Variants in ADAMTSL1 observed in about 807,000 individuals in gnomAD.
ADAMTSL1 encodes ADAMTS-like protein 1.
ADAMTSL1 carries 126 observed loss-of-function variants against 201.8 expected under a neutral mutation model. That is an observed-to-expected ratio of 0.62 (90% confidence interval 0.54 to 0.72). ADAMTSL1 has a LOEUF of 0.72. ADAMTSL1 is among the 30% of genes least tolerant of loss of function. ADAMTSL1 has a pLI of 0.00. For missense variants in ADAMTSL1, 2,679 were observed against 2,277.8 expected (o/e 1.18, Z -3.59); for synonymous variants, 1,121 against 903.4 (o/e 1.24, Z -4.32).
chr9:18,863,487 A>G (rs1827331522), intron 23 of ADAMTSL1, among the ~76,000 whole-genome samples: 1 of 152,196 alleles, frequency 6.6e-6, no homozygotes, highest in Non-Finnish European at 1.5e-5. Context: ...GAAAATGTAC[A>G]TGGGAATCAT....
At chr9:18,886,162 A>ATGTGTATG (rs1405638762) in intron 23 of ADAMTSL1, among the ~76,000 whole-genome samples, 11 of 58,750 alleles carry the variant, frequency 1.9e-4, no homozygotes, top group Non-Finnish European at 3.2e-4. Context: ...GTGAGTGTGT[A>ATGTGTATG]TGTGTATATA....
chr9:17,918,881 G>T (rs1369992106), intron 1 of ADAMTSL1, among the ~76,000 whole-genome samples: 2 of 151,826 alleles, frequency 1.3e-5, no homozygotes, highest in Non-Finnish European at 3.0e-5. Flanking sequence ...GTTTAGGATT[G>T]TTATGTTACC....
Position 18,777,696 on chromosome 9 carries a change from G to A in ADAMTSL1, c.3467G>A (p.Gly1156Asp), listed in dbSNP as rs372091305. ...TCCTCCACCGGGGACGCCGGGGGAGGCTCTCGAAGGCCACACCGCAAGCCC... is the reference window on the plus strand; with the variant it reads ...TCCTCCACCGGGGACGCCGGGGGAGACTCTCGAAGGCCACACCGCAAGCCC... ...RTSSTGDAGG[G>D]SRRPHRKPTI... The change falls in exon 19 of 29, where the codon GGC becomes GAC. Residue 1156 changes from glycine (G) to aspartate (D), a missense_variant. By Grantham distance (94) the Gly-to-Asp change is moderately conservative (BLOSUM62 -1). Coordinates refer to ENST00000380548, the MANE Select transcript of ADAMTSL1 (RefSeq NM_001040272.6). 3.7e-6 allele frequency: 6 copies of A among 1,613,252 alleles called. No homozygotes were observed. The highest frequency in any genetic ancestry group is 5.1e-6 in the Non-Finnish European group (6 of 1,179,706).
At chr9:18,292,496 G>C (rs1249335471) in intron 2 of ADAMTSL1, among the ~76,000 whole-genome samples, 1 of 152,138 alleles carries the variant, frequency 6.6e-6, no homozygotes, top group Non-Finnish European at 1.5e-5. Context: ...TGAGGGTGTT[G>C]CCAAAGGAGG....
intron 1 of ADAMTSL1, among the ~76,000 whole-genome samples, chr9:17,995,008 T>G (rs1819313407): frequency 6.6e-6 from 1 of 152,162 alleles, no homozygotes; most frequent in Non-Finnish European, 1.5e-5. Flanking sequence ...GTTTATTTCA[T>G]TTTCTCCACA....
chr9:18,362,899 AAG>A (rs1218995678), intron 2 of ADAMTSL1, among the ~76,000 whole-genome samples: 2 of 152,224 alleles, frequency 1.3e-5, no homozygotes, highest in African/African-American at 4.8e-5. Flanking sequence ...TAACAGAGCA[AAG>A]AAATCCAACC....
chr9:18,303,897 AACAG>A (rs1177652095), intron 2 of ADAMTSL1, among the ~76,000 whole-genome samples: 9 of 151,966 alleles, frequency 5.9e-5, no homozygotes, highest in African/African-American at 1.9e-4. Flanking sequence ...CCTTTCATCC[AACAG>A]CCTTTCACTT....
At chr9:18,664,739 C>T (rs542273111) in intron 9 of ADAMTSL1, among the ~76,000 whole-genome samples, 10 of 152,094 alleles carry the variant, frequency 6.6e-5, no homozygotes, top group East Asian at 3.9e-4. Context: ...CAGCAAAAAC[C>T]GCATTAAACA....
chr9:18,726,675 G>A (rs963656155), intron 15 of ADAMTSL1, among the ~76,000 whole-genome samples: 3 of 152,232 alleles, frequency 2.0e-5, no homozygotes, highest in African/African-American at 7.2e-5. Flanking sequence ...GAAAAGATTT[G>A]GTAAACGTAT....
chr9:18,856,481 T>TTTTTG (rs397783814), intron 23 of ADAMTSL1, among the ~76,000 whole-genome samples: 2 of 140,750 alleles, frequency 1.4e-5, no homozygotes, highest in Non-Finnish European at 1.6e-5. Flanking sequence ...TTTTTTTTTT[T>TTTTTG]GAGACGGAGT....
chr9:18,139,200 C>T (rs1209028600), intron 1 of ADAMTSL1, among the ~76,000 whole-genome samples: 1 of 152,076 alleles, frequency 6.6e-6, no homozygotes, highest in African/African-American at 2.4e-5. Context: ...GGCAATCTTT[C>T]GTCAATGTAG....
intron 1 of ADAMTSL1, among the ~76,000 whole-genome samples, chr9:18,072,576 G>T (rs1462916984): frequency 2.6e-5 from 4 of 152,146 alleles, no homozygotes; most frequent in Non-Finnish European, 5.9e-5. Flanking sequence ...AGTAGAGAAT[G>T]TTATTTTCTA....
Position 18,622,722 on chromosome 9 carries a change from A to T in ADAMTSL1, c.601+353A>T, listed in dbSNP as rs2132677388. On this transcript the variant is annotated intron_variant, in intron 5 of 28. Transcript: ENST00000380548. ...GTGCTATGCCTGGTGGAAGATAACG[A>T]GGAAAGTGGGAAGATAGCACAAATT... 1.7e-5 allele frequency: 7 copies of T among 401,230 alleles called. No homozygotes were observed. The East Asian group carries it at 2.7e-4, about 15-fold the overall frequency. 24.9% of individuals were successfully genotyped at this position (401,230 alleles called of 1,614,324 possible).
chr9:18,813,894 C>G (rs1160682027), intron 20 of ADAMTSL1, among the ~76,000 whole-genome samples: 1 of 152,126 alleles, frequency 6.6e-6, no homozygotes, highest in Admixed American at 6.5e-5. Context: ...GGTTCCAGAT[C>G]TAAGAGGAAA....
At chr9:18,294,890 G>T (rs1384065578) in intron 2 of ADAMTSL1, among the ~76,000 whole-genome samples, 1 of 152,132 alleles carries the variant, frequency 6.6e-6, no homozygotes, top group Non-Finnish European at 1.5e-5. Context: ...TCTCTCATTT[G>T]GTTATATTAG....
chr9:18,291,060 C>T lies in ADAMTSL1; in HGVS notation c.207+127079C>T, dbSNP rs535209472. On this transcript the variant is annotated intron_variant, in intron 2 of 29. Coordinates refer to the ADAMTSL1 transcript ENST00000680146. ...CCTCCCAAAGTGCTGGGATTACAGG[C>T]GTGAGCCACCGCACCCGGGCCACTA... Among the ~76,000 whole-genome samples, 10 of 152,202 alleles carry T rather than the reference C, an allele frequency of 6.6e-5. No individual in the cohort carries two copies. In the East Asian group the frequency reaches 9.7e-4, roughly 15 times the overall value.
At chr9:18,297,854 G>T (rs1036269707) in intron 2 of ADAMTSL1, among the ~76,000 whole-genome samples, 1 of 152,208 alleles carries the variant, frequency 6.6e-6, no homozygotes, top group African/African-American at 2.4e-5. Flanking sequence ...TCAGAAATGA[G>T]AACCCTTTGA....
chr9:18,464,245 A>G lies in ADAMTSL1; in HGVS notation c.208-40584A>G, dbSNP rs187405617. ...AGCTAGATGCAAACATTACATTGTC[A>G]TGTCATGACTCAGGCTATCTATAAT... On this transcript the variant is annotated intron_variant, in intron 2 of 29. Coordinates refer to the ADAMTSL1 transcript ENST00000680146. 1.4e-3 allele frequency among the ~76,000 whole-genome samples: 212 copies of G among 152,358 alleles called. 2 individuals carry two copies. Among genetic ancestry groups the G allele is most frequent in the African/African-American group, 4.8e-3 (199 of 41,584 alleles).
intron 1 of ADAMTSL1, among the ~76,000 whole-genome samples, chr9:18,093,142 G>C (rs1180352810): frequency 6.6e-6 from 1 of 152,004 alleles, no homozygotes; most frequent in African/African-American, 2.4e-5. Context: ...ATAAGTTCCT[G>C]TAATGGATTT....
Sources: gnomAD v4.1 joint callset for allele counts (sites outside exome capture counted in the v4.1 genomes callset) on GRCh38, gnomAD v4.1.1 for gene constraint, MANE v1.5 for transcripts, NCBI Gene and HGNC (gene_info 2026-07-23, HGNC 2026-07-21) for gene names.